Variants in RGL1 observed in about 807,000 individuals in gnomAD.
The protein encoded by RGL1 is ral guanine nucleotide dissociation stimulator like 1, also known as ral guanine nucleotide dissociation stimulator-like 1.
RGL1 carries 24 observed loss-of-function variants against 95.2 expected under a neutral mutation model. The ratio of observed to expected loss-of-function variants is 0.25; its 90% CI spans 0.18 to 0.35. RGL1 has a LOEUF of 0.35. Among genes scored for constraint, RGL1 ranks in the 10% least tolerant of loss-of-function variants. RGL1 has a pLI of 1.00. For synonymous variants in RGL1, 329 were observed against 344.9 expected, an observed-to-expected ratio of 0.95 and a Z score of 0.51; for missense variants, 715 against 936.3, an observed-to-expected ratio of 0.76 and a Z score of 3.08.
intron 9 of RGL1, among the ~76,000 whole-genome samples, chr1:183,895,199 G>T (rs907216128): frequency 1.3e-5 from 2 of 152,166 alleles, no homozygotes; most frequent in Non-Finnish European, 2.9e-5. Context: ...AGCTATAATT[G>T]CTGGTAGCTA....
chr1:183,918,849 T>G (rs1669148355), intron 16 of RGL1, among the ~76,000 whole-genome samples: 1 of 152,244 alleles, frequency 6.6e-6, no homozygotes, highest in Non-Finnish European at 1.5e-5. Flanking sequence ...ACTGCTCTCG[T>G]GCTCTCATTC....
intron 14 of RGL1, among the ~76,000 whole-genome samples, chr1:183,908,560 C>A (rs73049203): frequency 0.012 from 1,870 of 152,244 alleles, 48 homozygotes; most frequent in African/African-American, 0.043. Flanking sequence ...TTCATAGTAT[C>A]TTGCTGTCTT....
chr1:183,868,897 C>T (rs1180702971), intron 4 of RGL1, among the ~76,000 whole-genome samples: 1 of 152,194 alleles, frequency 6.6e-6, no homozygotes, highest in East Asian at 1.9e-4. Context: ...GGGAAGATCA[C>T]TTAAGGCAGG....
chr1:183,663,422 T>TTTTTTTTTTTTTTTTTG (rs1651791746), intron 1 of RGL1, among the ~76,000 whole-genome samples: 1 of 151,844 alleles, frequency 6.6e-6, no homozygotes, highest in Non-Finnish European at 1.5e-5. Flanking sequence ...ATACACTTCT[T>TTTTTTTTTTTTTTTTTG]AAAAGAAGAC....
At chr1:183,705,760 C>T (rs1251976681) in intron 1 of RGL1, among the ~76,000 whole-genome samples, 2 of 152,116 alleles carry the variant, frequency 1.3e-5, no homozygotes, top group African/African-American at 4.8e-5. Flanking sequence ...GGTTAATGAG[C>T]CTGAGGTCCT....
rs1490024266 is a variant in RGL1 at position 183,880,681 on chromosome 1, A to G, written c.491A>G (p.His164Arg). 1 of 1,613,904 alleles carries G rather than the reference A, an allele frequency of 6.2e-7. No individual in the cohort carries two copies. Among genetic ancestry groups the G allele is most frequent in the East Asian group, 2.2e-5 (1 of 44,876 alleles). ...GCAGAAGACTTCCGAGAGCCCCCTC[A>G]CTTCCCTTGCTTACAGAAACTGCTG... ...QCAEDFREPP[H>R]FPCLQKLLDY... Residue 164 changes from histidine (H) to arginine (R), a missense_variant, in exon 5 of 18, where the codon CAC (histidine) becomes CGC (arginine). Physicochemically the swap from His to Arg is conservative, Grantham distance 29. This residue lies in a region of RGL1 where 381 missense variants were observed against 484.8 expected (regional missense o/e 0.79). Coordinates refer to ENST00000360851, the MANE Select transcript of RGL1 (RefSeq NM_001297671.3).
chr1:183,642,172 T>G (rs963022417), intron 1 of RGL1, among the ~76,000 whole-genome samples: 1 of 152,238 alleles, frequency 6.6e-6, no homozygotes, highest in African/African-American at 2.4e-5. Context: ...CCTTATAATT[T>G]CCTACTGTTT....
chr1:183,782,593 A>T (rs1349145625), intron 2 of RGL1, among the ~76,000 whole-genome samples: 1 of 152,236 alleles, frequency 6.6e-6, no homozygotes, highest in African/African-American at 2.4e-5. Context: ...AGTATAATAC[A>T]CATGAGAGCT....
chr1:183,804,934 T>TA (rs1206439059), upstream of RGL1, among the ~76,000 whole-genome samples: 2 of 152,228 alleles, frequency 1.3e-5, no homozygotes, highest in Admixed American at 1.3e-4. Flanking sequence ...GAAAACCTGA[T>TA]AAACTTGAAA....
intron 2 of RGL1, chr1:183,754,969 T>C (rs939174205): frequency 2.0e-5 from 3 of 151,486 alleles, no homozygotes; most frequent in Non-Finnish European, 2.9e-5. Flanking sequence ...TTAAAAAAGA[T>C]ATTTTAGTTT....
chr1:183,914,072 T>C (rs1321475417), intron 15 of RGL1, among the ~76,000 whole-genome samples: 1 of 152,202 alleles, frequency 6.6e-6, no homozygotes, highest in Non-Finnish European at 1.5e-5. Flanking sequence ...TTTCACAGCC[T>C]CTGAGGTTTT....
chr1:183,638,806 G>C (rs1220926985), intron 1 of RGL1, among the ~76,000 whole-genome samples: 1 of 152,168 alleles, frequency 6.6e-6, no homozygotes, highest in East Asian at 1.9e-4. Flanking sequence ...TTTTCTCAAG[G>C]TTAATGCTGT....
At chr1:183,795,081 C>T (rs1660630078) in intron 2 of RGL1, among the ~76,000 whole-genome samples, 1 of 152,172 alleles carries the variant, frequency 6.6e-6, no homozygotes, top group African/African-American at 2.4e-5. Flanking sequence ...ATTGCCCAGG[C>T]TGGTGTTGAA....
Position 183,830,806 on chromosome 1 carries a change from A to G in RGL1, c.139-16760A>G, listed in dbSNP as rs910850720. ...AAATTCACTGCAGTTCTCAACTGCT[A>G]TGAAGAGATGGGACCAGTTAATTTT... On this transcript the variant is annotated intron_variant, in intron 2 of 17. Coordinates refer to ENST00000360851, the MANE Select transcript of RGL1 (RefSeq NM_001297671.3). Among the ~76,000 whole-genome samples, 13 of 152,350 alleles carry G rather than the reference A, an allele frequency of 8.5e-5. No individual in the cohort carries two copies. In the South Asian group the frequency reaches 1.2e-3, roughly 15 times the overall value.
At chr1:183,663,246 A>G (rs1231969156) in intron 1 of RGL1, among the ~76,000 whole-genome samples, 1 of 152,040 alleles carries the variant, frequency 6.6e-6, no homozygotes, top group Non-Finnish European at 1.5e-5. Context: ...TTTGCACAGC[A>G]AAAGAAACTA....
chr1:183,915,404 T>A (rs1668899906), intron 15 of RGL1, among the ~76,000 whole-genome samples: 1 of 152,258 alleles, frequency 6.6e-6, no homozygotes, highest in African/African-American at 2.4e-5. Flanking sequence ...AAAGTACCTC[T>A]TCCAATAACT....
intron 2 of RGL1, among the ~76,000 whole-genome samples, chr1:183,773,015 CAAAAAAAAAAAA>C (rs60100787): frequency 2.2e-4 from 16 of 72,444 alleles, no homozygotes; most frequent in South Asian, 2.0e-3. Context: ...GACTCCGTCT[CAAAAAAAAAAAA>C]AAAAAAAAAA....
intron 1 of RGL1, among the ~76,000 whole-genome samples, chr1:183,657,011 C>CAAA (rs1278009517): frequency 5.6e-5 from 7 of 124,646 alleles, no homozygotes; most frequent in South Asian, 5.1e-4. Flanking sequence ...AAAATCGACT[C>CAAA]AAAAAAAAAA....
chr1:183,688,996 A>G (rs1653783596), intron 1 of RGL1, among the ~76,000 whole-genome samples: 1 of 152,204 alleles, frequency 6.6e-6, no homozygotes, highest in African/African-American at 2.4e-5. Context: ...AAATAACTTT[A>G]CAGCAATTTT....
Sources: gnomAD v4.1 joint callset for allele counts (sites outside exome capture counted in the v4.1 genomes callset) on GRCh38, gnomAD v4.1.1 for gene constraint, gnomAD v4.1.1 regional missense constraint, MANE v1.5 for transcripts, NCBI Gene and HGNC (gene_info 2026-07-23, HGNC 2026-07-21) for gene names.